The following ILRUN variants were observed in gnomAD, a reference collection of about 807,000 sequenced individuals.
ILRUN encodes protein ILRUN.
A neutral mutation model predicts 33.8 loss-of-function variants in ILRUN; 3 were observed. That is an observed-to-expected ratio of 0.09 (90% CI 0.04 to 0.23). ILRUN has a LOEUF of 0.23. Among genes scored for constraint, ILRUN ranks in the 10% least tolerant of loss-of-function variants. The probability of loss-of-function intolerance (pLI) is 1.00; values close to 1 mark genes in which losing one functional copy is unlikely to be tolerated. For missense variants in ILRUN, 210 were observed against 375.1 expected (o/e 0.56, Z 3.64); for synonymous variants, 124 against 138.9 (o/e 0.89, Z 0.75).
intron 3 of ILRUN, among the ~76,000 whole-genome samples, chr6:34,614,396 T>C (rs1761824173): frequency 6.8e-6 from 1 of 146,472 alleles, no homozygotes; most frequent in South Asian, 2.1e-4. Flanking sequence ...CACTCCAGCC[T>C]GGGCGACAGA....
intron 4 of ILRUN, among the ~76,000 whole-genome samples, chr6:34,601,704 C>CA (rs1561996976): frequency 3.2e-5 from 3 of 95,168 alleles, no homozygotes; most frequent in East Asian, 5.9e-4. Context: ...CTCCAGTACC[C>CA]GCCCCCCCAA....
chr6:34,669,620 TTG>T (rs915572939), intron 1 of ILRUN, among the ~76,000 whole-genome samples: 37 of 152,316 alleles, frequency 2.4e-4, no homozygotes, highest in Admixed American at 1.4e-3. Flanking sequence ...ACATGAATAA[TTG>T]TGTGTGAAGG....
chr6:34,627,344 T>C (rs1032269574), intron 3 of ILRUN, among the ~76,000 whole-genome samples: 2 of 152,216 alleles, frequency 1.3e-5, no homozygotes, highest in Admixed American at 1.3e-4. Context: ...TTGGCAATTA[T>C]AGATAAAGTT....
intron 3 of ILRUN, among the ~76,000 whole-genome samples, chr6:34,637,202 C>G (rs1762381518): frequency 6.6e-6 from 1 of 152,132 alleles, no homozygotes; most frequent in Non-Finnish European, 1.5e-5. Context: ...AAGTAAAACA[C>G]TTTAACTATA....
rs558170196 is a variant in ILRUN, at chr6:34,613,051, A to C, written c.512-6147T>G. Among the ~76,000 whole-genome samples the C allele has an allele frequency of 1.4e-4, 22 of 151,756 alleles. No homozygotes were observed. In the South Asian group the frequency reaches 4.0e-3, roughly 27 times the overall value. On this transcript the variant is annotated intron_variant, in intron 3 of 4. Transcript: ENST00000374023. ...GTGCGAGACTCCGTCTCAAGGAAAA[A>C]AAAAAAAAAATTTGTTACATGTGGT... is the stretch of plus-strand genomic sequence containing the variant.
At chr6:34,609,726 G>A (rs1271872316) in intron 3 of ILRUN, among the ~76,000 whole-genome samples, 1 of 152,220 alleles carries the variant, frequency 6.6e-6, no homozygotes, top group Non-Finnish European at 1.5e-5. Context: ...GCCCTAGTAA[G>A]TGGAGATGCA....
At position 34,646,516 on chromosome 6, in the gene ILRUN, T is replaced by C. The variant is rs898308370; in HGVS notation, c.511+85A>G. On this transcript the variant is annotated intron_variant, in intron 3 of 4. Transcript: ENST00000374023. The surrounding 1 kb of genome is among the most constrained non-coding windows in gnomAD (Gnocchi z 4.9). ...AAGAGGCCATGCCCTGTTATGCAAT[T>C]TGACAGGCTCTGTGAGCAACACTGG... 11 of 1,351,584 alleles carry C rather than the reference T, an allele frequency of 8.1e-6. No homozygotes were observed. Among genetic ancestry groups the C allele is most frequent in the Admixed American group, 5.8e-5 (3 of 51,754 alleles). The allele number at this position is 1,351,584 out of a possible 1,614,324, so 83.7% of individuals were successfully genotyped here.
intron 1 of ILRUN, among the ~76,000 whole-genome samples, chr6:34,658,347 C>CA (rs35618991): frequency 0.21 from 21,925 of 104,968 alleles, 2,061 homozygotes; most frequent in African/African-American, 0.32. Context: ...GACTCTGTCT[C>CA]AAAAAAAAAA....
chr6:34,681,845 A>AT (rs1168522578), intron 1 of ILRUN, among the ~76,000 whole-genome samples: 1,625 of 85,368 alleles, frequency 0.019, 68 homozygotes, highest in East Asian at 0.066. Flanking sequence ...CCACCACTAC[A>AT]TTTTTTTTTT....
At chr6:34,648,771 CACATACACACACATAT>C (rs1330423588) in intron 2 of ILRUN, among the ~76,000 whole-genome samples, 1 of 152,280 alleles carries the variant, frequency 6.6e-6, no homozygotes. Context: ...TTAAGATACA[CACATACACACACATAT>C]ACATACACAC....
intron 4 of ILRUN, chr6:34,595,739 G>C: frequency 4.1e-6 from 4 of 984,428 alleles, no homozygotes; most frequent in Non-Finnish European, 4.8e-6. Flanking sequence ...GCTTTTATTT[G>C]TGATTTGATT....
chr6:34,646,583 G>A lies in ILRUN; in HGVS notation c.511+18C>T. 2 of 1,611,968 alleles carry A rather than the reference G, an allele frequency of 1.2e-6. No homozygotes were observed. The highest frequency in any genetic ancestry group is 1.7e-6 in the Non-Finnish European group (2 of 1,178,582). On this transcript the variant is annotated intron_variant, in intron 3 of 4. Transcript: ENST00000374023. This position sits in a 1 kb window ranked among gnomAD's most constrained non-coding sequence, Gnocchi z 4.9. ...TACCTTAGTTCCTTTACCCTGGGCT[G>A]CACAAGGACATACTCACCTCCATAG...
chr6:34,611,280 C>T (rs1178897331), intron 3 of ILRUN, among the ~76,000 whole-genome samples: 1 of 152,036 alleles, frequency 6.6e-6, no homozygotes, highest in Non-Finnish European at 1.5e-5. Flanking sequence ...CAGAACTTAT[C>T]ATACTTAAGC....
intron 3 of ILRUN, among the ~76,000 whole-genome samples, chr6:34,639,655 G>T (rs2127354912): frequency 6.6e-6 from 1 of 152,300 alleles, no homozygotes; most frequent in South Asian, 2.1e-4. Context: ...CACTCTGGAA[G>T]TAGAGAGAAG....
chr6:34,635,332 C>G (rs1490142575), intron 3 of ILRUN, among the ~76,000 whole-genome samples: 2 of 152,012 alleles, frequency 1.3e-5, no homozygotes, highest in Middle Eastern at 3.2e-3. Context: ...GAGTTTGAGA[C>G]CACCCTGGGC....
chr6:34,595,976 G>A, intron 4 of ILRUN: 2 of 923,992 alleles, frequency 2.2e-6, no homozygotes, highest in Non-Finnish European at 2.6e-6. Flanking sequence ...AGAATACAGG[G>A]TTTAGTACTA....
intron 1 of ILRUN, among the ~76,000 whole-genome samples, chr6:34,658,826 A>G (rs1321985738): frequency 6.6e-6 from 1 of 152,068 alleles, no homozygotes; most frequent in Admixed American, 6.6e-5. Context: ...AAAGACTGTG[A>G]TCTTTAGAGT....
chr6:34,696,605 G>C lies in ILRUN; in HGVS notation c.-2C>G. The stretch of plus-strand genomic sequence containing the variant: ...CAGGTCTACGTCCATGCCCTCCATG[G>C]CGGGGACCGGACACCCGCTTCCCCG... On this transcript the variant is annotated 5_prime_UTR_variant, in exon 1 of 5. Transcript: ENST00000374023. 1 of 1,600,952 alleles carries C rather than the reference G, an allele frequency of 6.2e-7. No homozygotes were observed. The highest frequency in any genetic ancestry group is 8.5e-7 in the Non-Finnish European group (1 of 1,176,076).
Position 34,602,114 on chromosome 6 carries a change from AC to A in ILRUN, c.861+4440del, listed in dbSNP as rs1761522691. On this transcript the variant is annotated intron_variant, in intron 4 of 4. Coordinates refer to ENST00000374023, the MANE Select transcript of ILRUN (RefSeq NM_024294.4). ...TATATGGCATATACCAGCCTCGAAC[AC>A]TTTTTTTTTTAAAGAAAGAACAAAC... 2.0e-5 allele frequency among the ~76,000 whole-genome samples: 3 copies of A among 152,072 alleles called. No individual in the cohort carries two copies. The South Asian group carries it at 6.2e-4, about 32-fold the overall frequency.
Sources: allele counts gnomAD v4.1 joint callset (sites outside exome capture counted in the v4.1 genomes callset), GRCh38; gene constraint gnomAD v4.1.1; non-coding constraint Gnocchi (gnomAD v3.1); transcripts MANE v1.5; gene names NCBI Gene and HGNC (gene_info 2026-07-23, HGNC 2026-07-21).